WWTR1: variants seen among roughly 807,000 people sequenced by gnomAD.
WWTR1 encodes the protein WW domain containing transcription regulator 1.
In WWTR1, 13 loss-of-function variants were observed where a neutral mutation model predicts 40.1. The ratio of observed to expected loss-of-function variants is 0.32; its 90% CI spans 0.21 to 0.52. WWTR1 has a LOEUF of 0.52. Ranked by LOEUF, WWTR1 falls within the 20% of genes least tolerant of loss-of-function variation. The probability of loss-of-function intolerance (pLI) is 0.97; values close to 1 mark genes in which losing one functional copy is unlikely to be tolerated. For synonymous variants in WWTR1, 230 were observed against 210.1 expected, an observed-to-expected ratio of 1.09 and a Z score of -0.82; for missense variants, 436 against 523.1, an observed-to-expected ratio of 0.83 and a Z score of 1.63.
At chr3:149,679,642 T>TG (rs200520801) in intron 1 of WWTR1, among the ~76,000 whole-genome samples, 1 of 140,066 alleles carries the variant, frequency 7.1e-6, no homozygotes, top group African/African-American at 2.6e-5. Flanking sequence ...GATGGAATGG[T>TG]GGGAAAAAAA....
chr3:149,710,717 T>G (rs1363555870), intron 5 of WWTR1, among the ~76,000 whole-genome samples: 1 of 151,046 alleles, frequency 6.6e-6, no homozygotes, highest in Non-Finnish European at 1.5e-5. Flanking sequence ...GTAGCTAGGA[T>G]TATAGGTGCA....
At chr3:149,552,228 C>T (rs558063448) in intron 3 of WWTR1, among the ~76,000 whole-genome samples, 1 of 144,836 alleles carries the variant, frequency 6.9e-6, no homozygotes, top group Admixed American at 6.9e-5. Context: ...TCTCCCCCTA[C>T]CCCTCAGGAC....
intron 3 of WWTR1, 146 bp downstream of exon 3, chr3:149,572,718 A>C: frequency 1.0e-6 from 1 of 956,662 alleles, no homozygotes; most frequent in Non-Finnish European, 1.5e-6. Flanking sequence ...ACAGTGGTTC[A>C]TGCCTGTTAT....
At chr3:149,722,069 G>A (rs1217784859) in intron 4 of WWTR1, among the ~76,000 whole-genome samples, 1 of 151,916 alleles carries the variant, frequency 6.6e-6, no homozygotes, top group Non-Finnish European at 1.5e-5. Context: ...CTGTAGATTT[G>A]GTAATAATGT....
intron 1 of WWTR1, among the ~76,000 whole-genome samples, chr3:149,672,806 T>C (rs1002979197): frequency 4.8e-5 from 7 of 145,332 alleles, no homozygotes; most frequent in Non-Finnish European, 9.0e-5. Flanking sequence ...TTTTAAGAAA[T>C]AGGGTCTCAC....
intron 2 of WWTR1, among the ~76,000 whole-genome samples, chr3:149,579,526 T>G (rs1428664392): frequency 6.6e-6 from 1 of 150,486 alleles, no homozygotes; most frequent in African/African-American, 2.5e-5. Flanking sequence ...CCACAGATAA[T>G]GCTAGCCAGG....
At chr3:149,653,957 C>G (rs946462240) in intron 2 of WWTR1, among the ~76,000 whole-genome samples, 4 of 152,016 alleles carry the variant, frequency 2.6e-5, no homozygotes, top group Non-Finnish European at 5.9e-5. Context: ...CTCTCAACTC[C>G]CAACAGAGTC....
chr3:149,691,708 T>C (rs1301469630), intron 1 of WWTR1, among the ~76,000 whole-genome samples: 2 of 152,146 alleles, frequency 1.3e-5, no homozygotes, highest in Admixed American at 6.5e-5. Flanking sequence ...GCTTCGCTGC[T>C]AATTTTTACA....
chr3:149,565,914 G>A (rs1737299175), intron 3 of WWTR1, among the ~76,000 whole-genome samples: 2 of 137,678 alleles, frequency 1.5e-5, no homozygotes, highest in South Asian at 4.6e-4. Context: ...AGCAACAAGA[G>A]CGAAACTCTG....
At position 149,518,731 on chromosome 3, in the gene WWTR1, C is replaced by T; in HGVS notation, c.*2074G>A. On this transcript the variant is annotated 3_prime_UTR_variant, in exon 7 of 7. Coordinates refer to ENST00000360632, the MANE Select transcript of WWTR1 (RefSeq NM_015472.6). The stretch of plus-strand genomic sequence containing the variant: ...ATCAGCATGCCCTGCCCCTCCTCCT[C>T]CCACATAAGGTGCACCAAAGCCTTC... 1 of 152,016 alleles carries T rather than the reference C, an allele frequency of 6.6e-6. No homozygotes were observed. Among genetic ancestry groups the T allele is most frequent in the East Asian group, 1.9e-4 (1 of 5,166 alleles). The allele number at this position is 152,016 out of a possible 1,614,324, so 9.4% of individuals were successfully genotyped here. A position where few individuals can be genotyped will look rare whatever the true frequency, so the allele number is the denominator to read the frequency against.
At chr3:149,640,959 G>A (rs368945742) in intron 2 of WWTR1, among the ~76,000 whole-genome samples, 230 of 152,160 alleles carry the variant, frequency 1.5e-3, no homozygotes, top group Non-Finnish European at 2.4e-3. Flanking sequence ...ATTATTTTAC[G>A]TATCAAGTCA....
intron 2 of WWTR1, among the ~76,000 whole-genome samples, chr3:149,646,856 C>T (rs1415234554): frequency 6.6e-6 from 1 of 152,080 alleles, no homozygotes; most frequent in Admixed American, 6.6e-5. Flanking sequence ...TTCCACTTTC[C>T]TCCCTCCAAC....
chr3:149,595,958 G>C (rs1026590830), intron 2 of WWTR1, among the ~76,000 whole-genome samples: 2 of 151,966 alleles, frequency 1.3e-5, no homozygotes, highest in Non-Finnish European at 2.9e-5. Context: ...GCTTGAACCC[G>C]GGAGGTGGAG....
chr3:149,535,374 G>A (rs746874466), intron 4 of WWTR1, among the ~76,000 whole-genome samples: 8 of 151,892 alleles, frequency 5.3e-5, no homozygotes, highest in Non-Finnish European at 8.8e-5. Context: ...GGGGGACGGC[G>A]GGGGGAACAA....
rs200948724 is a variant in WWTR1, at chr3:149,723,362, AT to A, written n.459+717del. ...TGCCACCACACCTGAATAATTTTGT[AT>A]TTTTAGTAGAGACGGGGTTTCTCCG... On this transcript the variant is annotated intron_variant and non_coding_transcript_variant, in intron 4 of 6. Transcript: ENST00000474080. 9.2e-3 allele frequency among the ~76,000 whole-genome samples: 1,384 copies of A among 151,208 alleles called. 76 individuals are homozygous for A. In the East Asian group the frequency reaches 0.17, roughly 19 times the overall value.
chr3:149,618,103 G>A (rs1036861670), intron 2 of WWTR1, among the ~76,000 whole-genome samples: 12 of 152,168 alleles, frequency 7.9e-5, no homozygotes, highest in Non-Finnish European at 1.6e-4. Flanking sequence ...AAAGGCTACT[G>A]TCAATTTCTT....
Position 149,719,264 on chromosome 3 carries a change from G to A in WWTR1, n.460-1698C>T, listed in dbSNP as rs144325325. ...GGGCTCACTGCAACCTCTGCCTCCCGAGTTCAAGTGATTCTTGGGCCTCAG... is the reference window on the plus strand; with the variant it reads ...GGGCTCACTGCAACCTCTGCCTCCCAAGTTCAAGTGATTCTTGGGCCTCAG... On this transcript the variant is annotated intron_variant and non_coding_transcript_variant, in intron 4 of 6. Coordinates refer to the WWTR1 transcript ENST00000474080. 6.4e-3 allele frequency among the ~76,000 whole-genome samples: 965 copies of A among 150,970 alleles called. 21 individuals carry two copies. Among genetic ancestry groups the A allele is most frequent in the South Asian group, 0.052 (247 of 4,752 alleles).
In WWTR1 at chr3:149,551,184, C is replaced by G. The variant is rs1246702304; in HGVS notation, c.569-8647G>C. ...TAGTGGTGCATGCCTTTAATCCCAG[C>G]TACTCGGGAGTCTGCGGCAGGAGAA... On this transcript the variant is annotated intron_variant, in intron 3 of 6. Coordinates refer to ENST00000360632, the MANE Select transcript of WWTR1 (RefSeq NM_015472.6). Among the ~76,000 whole-genome samples the G allele has an allele frequency of 3.5e-5, 5 of 144,110 alleles. No homozygotes were observed. In the South Asian group the frequency reaches 8.9e-4, roughly 26 times the overall value. The allele number at this position is 144,110 out of a possible 152,430, so 94.5% of individuals were successfully genotyped here.
chr3:149,720,205 G>A (rs532307534), intron 4 of WWTR1, among the ~76,000 whole-genome samples: 21 of 152,118 alleles, frequency 1.4e-4, no homozygotes, highest in South Asian at 1.2e-3. Context: ...ATCCCATGTC[G>A]TGAAGTTTTT....
Sources: gnomAD v4.1 joint callset for allele counts (sites outside exome capture counted in the v4.1 genomes callset) on GRCh38, gnomAD v4.1.1 for gene constraint, MANE v1.5 for transcripts, NCBI Gene and HGNC (gene_info 2026-07-23, HGNC 2026-07-21) for gene names.